RPAP2: variants seen among roughly 807,000 people sequenced by gnomAD.
RPAP2 encodes RNA polymerase II associated protein 2.
A neutral mutation model predicts 73.1 loss-of-function variants in RPAP2; 52 were observed. The observed-to-expected ratio is 0.71, with a 90% CI of 0.57 to 0.90. The LOEUF (loss-of-function observed/expected upper bound fraction) is 0.90, where lower values mean the gene tolerates loss of function less well. Ranked by LOEUF, RPAP2 falls within the 40% of genes least tolerant of loss-of-function variation. The pLI is 0.00. For missense variants in RPAP2, 598 were observed against 701.8 expected, an observed-to-expected ratio of 0.85 and a Z score of 1.67; for synonymous variants, 225 against 242.1, an observed-to-expected ratio of 0.93 and a Z score of 0.65.
In RPAP2 at chr1:92,304,843, A is replaced by C. The variant is rs188865035; in HGVS notation, c.399+494A>C. Among the ~76,000 whole-genome samples the C allele has an allele frequency of 3.1e-3, 477 of 152,318 alleles. 2 individuals are homozygous for C. Among genetic ancestry groups the C allele is most frequent in the African/African-American group, 0.011 (449 of 41,552 alleles). ...GACATAAATGTAAAAGGTAGAAGACACTATGGGAGATGCTGGTCGTGGTGG... is the reference window on the plus strand; with the variant it reads ...GACATAAATGTAAAAGGTAGAAGACCCTATGGGAGATGCTGGTCGTGGTGG... On this transcript the variant is annotated intron_variant, in intron 5 of 12. Coordinates refer to ENST00000610020, the MANE Select transcript of RPAP2 (RefSeq NM_024813.3).
At chr1:92,329,188 G>A (rs539525048) in intron 8 of RPAP2, among the ~76,000 whole-genome samples, 43 of 152,318 alleles carry the variant, frequency 2.8e-4, no homozygotes, top group African/African-American at 9.6e-4. Flanking sequence ...TTGCTCTGGG[G>A]TCAGGCAGTG....
intron 12 of RPAP2, among the ~76,000 whole-genome samples, chr1:92,382,820 GT>G (rs1655702316): frequency 1.3e-5 from 2 of 151,708 alleles, no homozygotes; most frequent in African/African-American, 2.4e-5. Flanking sequence ...TGCTTTTGGT[GT>G]TTTAGACATG....
In RPAP2 at chr1:92,299,104, G is replaced by C. The variant is rs764666965; in HGVS notation, c.31G>C (p.Gly11Arg). Residue 11 changes from glycine (G) to arginine (R), a missense_variant, in exon 1 of 13, where the codon GGC (glycine) becomes CGC (arginine). By Grantham distance (125) the Gly-to-Arg change is moderately radical. This residue lies in a region of RPAP2 where 77 missense variants were observed against 55.7 expected (regional missense o/e 1.38). Coordinates refer to ENST00000610020, the MANE Select transcript of RPAP2 (RefSeq NM_024813.3). The stretch of plus-strand genomic sequence containing the variant: ...GGACTTCGCTGGGCCGTCTTCTGCC[G>C]GCCGCAAGGCCGGGGCTCCCCGCTG... MADFAGPSSA[G>R]RKAGAPRCSR... The C allele has an allele frequency of 1.3e-5, 20 of 1,520,868 alleles. No homozygotes were observed. The highest frequency in any genetic ancestry group is 1.0e-4 in the South Asian group (8 of 80,140). 94.2% of individuals were successfully genotyped at this position (1,520,868 alleles called of 1,614,324 possible).
chr1:92,359,774 G>T (rs1654645968), intron 11 of RPAP2, among the ~76,000 whole-genome samples: 1 of 152,232 alleles, frequency 6.6e-6, no homozygotes, highest in Non-Finnish European at 1.5e-5. Flanking sequence ...CTAGATTTTA[G>T]TGTCAGCATT....
At chr1:92,378,151 G>A (rs1366671134) in intron 11 of RPAP2, among the ~76,000 whole-genome samples, 2 of 152,106 alleles carry the variant, frequency 1.3e-5, no homozygotes, top group African/African-American at 2.4e-5. Flanking sequence ...CAGAGAAGTC[G>A]TTTTGGATGT....
chr1:92,368,095 G>A (rs898048230), intron 11 of RPAP2, among the ~76,000 whole-genome samples: 2 of 152,182 alleles, frequency 1.3e-5, no homozygotes, highest in African/African-American at 4.8e-5. Context: ...CAGTGAGCAA[G>A]ACAATAGGGA....
chr1:92,312,759 A>G (rs1179973216), intron 6 of RPAP2, among the ~76,000 whole-genome samples: 4 of 151,932 alleles, frequency 2.6e-5, no homozygotes, highest in Non-Finnish European at 4.4e-5. Context: ...ACTTCTTCCA[A>G]GCACTTGTTA....
At chr1:92,301,260 T>C (rs374789830) in intron 2 of RPAP2, among the ~76,000 whole-genome samples, 283 of 152,176 alleles carry the variant, frequency 1.9e-3, no homozygotes, top group African/African-American at 6.4e-3. Context: ...GAGGTGGGAG[T>C]GTTGCTTGAG....
chr1:92,327,968 G>C (rs1652742537), intron 8 of RPAP2, among the ~76,000 whole-genome samples: 1 of 152,244 alleles, frequency 6.6e-6, no homozygotes, highest in South Asian at 2.1e-4. Flanking sequence ...GTTTAAGGAG[G>C]CTAAAGATAG....
At chr1:92,375,211 A>G (rs550750018) in intron 11 of RPAP2, among the ~76,000 whole-genome samples, 4 of 152,356 alleles carry the variant, frequency 2.6e-5, no homozygotes, top group East Asian at 3.9e-4. Context: ...TATGTTTTAC[A>G]TGACTCCAAA....
intron 8 of RPAP2, among the ~76,000 whole-genome samples, chr1:92,332,079 T>C (rs1036671213): frequency 1.3e-5 from 2 of 152,080 alleles, no homozygotes; most frequent in African/African-American, 4.8e-5. Context: ...CTCTTAGATA[T>C]TGCTTCTATT....
At chr1:92,358,644 G>C (rs893902235) in intron 11 of RPAP2, among the ~76,000 whole-genome samples, 9 of 152,022 alleles carry the variant, frequency 5.9e-5, no homozygotes, top group African/African-American at 2.2e-4. Context: ...CTAAAGTGCA[G>C]TGGCACAGTC....
chr1:92,371,424 A>G, intron 11 of RPAP2, among the ~76,000 whole-genome samples: 1 of 151,856 alleles, frequency 6.6e-6, no homozygotes, highest in Admixed American at 6.6e-5. Flanking sequence ...GGATAGATAG[A>G]TAAGATAGAT....
At chr1:92,329,964 C>A (rs1652863233) in intron 8 of RPAP2, among the ~76,000 whole-genome samples, 1 of 152,098 alleles carries the variant, frequency 6.6e-6, no homozygotes, top group African/African-American at 2.4e-5. Context: ...TGAAGGAAAC[C>A]AAAGGAATGA....
chr1:92,312,466 T>C (rs911907769), intron 6 of RPAP2, among the ~76,000 whole-genome samples: 8 of 152,158 alleles, frequency 5.3e-5, no homozygotes, highest in African/African-American at 1.7e-4. Context: ...TCATTGCTGC[T>C]TATCAGCTAA....
chr1:92,333,075 C>A (rs1164698653), intron 8 of RPAP2, among the ~76,000 whole-genome samples: 1 of 151,904 alleles, frequency 6.6e-6, no homozygotes, highest in East Asian at 1.9e-4. Context: ...ATATTTTAAT[C>A]CCCTACATTT....
rs1571004051 is a variant in RPAP2 at position 92,299,135 on chromosome 1, G to C, written c.62G>C (p.Arg21Pro). 1.3e-6 allele frequency: 2 copies of C among 1,518,032 alleles called. No homozygotes were observed. Among genetic ancestry groups the C allele is most frequent in the East Asian group, 5.1e-5 (2 of 39,096 alleles). The allele number at this position is 1,518,032 out of a possible 1,614,324, so 94.0% of individuals were successfully genotyped here. The stretch of plus-strand genomic sequence containing the variant: ...AAGGCCGGGGCTCCCCGCTGCTCTC[G>C]AAAAGCCGCAGGTAGGAGCAAGGAT... Reference protein sequence around the residue: ...GRKAGAPRCSRKAAGTKQTST... With the variant: ...GRKAGAPRCSPKAAGTKQTST... Residue 21 changes from arginine to proline, a missense_variant, in exon 1 of 13, where the codon CGA becomes CCA. By Grantham distance (103) the Arg-to-Pro change is moderately radical. This residue lies in a region of RPAP2 where 77 missense variants were observed against 55.7 expected (regional missense o/e 1.38). Coordinates refer to ENST00000610020, the MANE Select transcript of RPAP2 (RefSeq NM_024813.3).
At chr1:92,373,941 T>C (rs1459456995) in intron 11 of RPAP2, among the ~76,000 whole-genome samples, 1 of 151,832 alleles carries the variant, frequency 6.6e-6, no homozygotes, top group East Asian at 1.9e-4. Context: ...ATTAAAGCTG[T>C]ATGTAATAGT....
At chr1:92,333,101 G>A (rs1653069680) in intron 8 of RPAP2, 1 of 317,762 alleles carries the variant, frequency 3.1e-6, no homozygotes, top group Non-Finnish European at 5.8e-6. Context: ...GCACTTAGCA[G>A]TTTACAAAAT....
Sources: allele counts gnomAD v4.1 joint callset (sites outside exome capture counted in the v4.1 genomes callset), GRCh38; gene constraint gnomAD v4.1.1; regional missense constraint gnomAD v4.1.1; transcripts MANE v1.5; gene names NCBI Gene and HGNC (gene_info 2026-07-23, HGNC 2026-07-21).